PKD1L1: variants seen among roughly 807,000 people sequenced by gnomAD.
PKD1L1 encodes the protein polycystin-1-like protein 1.
Under a neutral mutation model 323.4 loss-of-function variants are expected in PKD1L1, and 236 were observed. The observed-to-expected ratio is 0.73, with a 90% CI of 0.66 to 0.81. The LOEUF (loss-of-function observed/expected upper bound fraction) is 0.81. PKD1L1 is among the 40% of genes least tolerant of loss of function. The probability of loss-of-function intolerance (pLI) is 0.00; values close to 1 mark genes in which losing one functional copy is unlikely to be tolerated. For missense variants in PKD1L1, 3,320 were observed against 3,508.0 expected, an observed-to-expected ratio of 0.95 and a Z score of 1.35; for synonymous variants, 1,344 against 1,335.0, an observed-to-expected ratio of 1.01 and a Z score of -0.15.
At position 47,821,287 on chromosome 7, in the gene PKD1L1, G is replaced by C; in HGVS notation, c.6855-101C>G. 4.6e-6 allele frequency: 3 copies of C among 652,464 alleles called. No individual in the cohort carries two copies. In the Admixed American group the frequency reaches 8.6e-5, roughly 19 times the overall value. 40.4% of individuals were successfully genotyped at this position (652,464 alleles called of 1,614,324 possible). Reference sequence around the variant, plus strand: ...ATTTATTATTATTATTATTATTTTTGAGACGGAGTCTCACTCTGTCACCCA... The same window carrying C: ...ATTTATTATTATTATTATTATTTTTCAGACGGAGTCTCACTCTGTCACCCA... On this transcript the variant is annotated intron_variant, in intron 45 of 56. Transcript: ENST00000289672.
At chr7:47,935,655 T>C (rs747559659) in intron 4 of PKD1L1, among the ~76,000 whole-genome samples, 3 of 152,248 alleles carry the variant, frequency 2.0e-5, no homozygotes, top group Non-Finnish European at 2.9e-5. Flanking sequence ...GGCTGAATCA[T>C]GTGCGTCCAT....
Position 47,904,403 on chromosome 7 carries a change from T to C in PKD1L1, c.1906A>G (p.Ser636Gly), listed in dbSNP as rs759503743. The change falls in exon 12 of 57, where the codon AGC (serine) becomes GGC (glycine). Residue 636 changes from serine (S) to glycine (G), a missense_variant. Transcript: ENST00000289672. ...FGDGTVSLGS[S>G]SSSHVYSREG... ...CTACTGTAGACATGGCTGCTGGAGCTGCTCCCCAGGCTGACGGTGCCATCC... is the reference window on the plus strand; with the variant it reads ...CTACTGTAGACATGGCTGCTGGAGCCGCTCCCCAGGCTGACGGTGCCATCC... The C allele has an allele frequency of 6.2e-7, 1 of 1,614,132 alleles. No individual in the cohort carries two copies. The highest frequency in any genetic ancestry group is 1.1e-5 in the South Asian group (1 of 91,092).
At chr7:47,872,679 G>A (rs1786307617) in intron 24 of PKD1L1, among the ~76,000 whole-genome samples, 1 of 152,148 alleles carries the variant, frequency 6.6e-6, no homozygotes, top group South Asian at 2.1e-4. Flanking sequence ...TGAACAAAAA[G>A]ACAATAACCA....
Position 47,831,249 on chromosome 7 carries a change from G to T in PKD1L1, c.6441C>A (p.Ala2147=), listed in dbSNP as rs774519944. The part of the protein sequence containing the change: ...VWAICGTASL[A]CSLGTGFLAY... ...CTAGAAATCCTGTCCCCAAACTGCA[G>T]GCCAAAGAAGCGGTCCCACAAATGG... The change falls in exon 42 of 57, where the codon GCC becomes GCA. Residue 2147 remains alanine (A), a synonymous_variant. Coordinates refer to ENST00000289672, the MANE Select transcript of PKD1L1 (RefSeq NM_138295.5). 12 of 1,614,130 alleles carry T rather than the reference G, an allele frequency of 7.4e-6. No homozygotes were observed. The East Asian group carries it at 2.7e-4, about 36-fold the overall frequency.
chr7:47,882,904 G>C (rs1786595402), intron 19 of PKD1L1, among the ~76,000 whole-genome samples: 1 of 152,144 alleles, frequency 6.6e-6, no homozygotes, highest in Non-Finnish European at 1.5e-5. Context: ...GAAGCAGCGA[G>C]GGCAAAGGAA....
At chr7:47,925,733 C>T (rs1286545070) in intron 7 of PKD1L1, among the ~76,000 whole-genome samples, 1 of 152,012 alleles carries the variant, frequency 6.6e-6, no homozygotes, top group Non-Finnish European at 1.5e-5. Flanking sequence ...AATAAGATAC[C>T]AACATGACAG....
At position 47,858,679 on chromosome 7, in the gene PKD1L1, TA is replaced by T; in HGVS notation, c.4355del (p.Leu1452TyrfsTer8). The T allele has an allele frequency of 6.2e-7, 1 of 1,610,998 alleles. No homozygotes were observed. The highest frequency in any genetic ancestry group is 2.2e-5 in the East Asian group (1 of 44,866). ...GAGAAAAAGTGTGACTTACCAACAA[TA>T]AATCTGAGATGACTGTAATTCCTTC... is the stretch of plus-strand genomic sequence containing the variant. ...HEEGITVISD[L>X]LLGCLSLNHV... On this transcript the variant is annotated frameshift_variant, in exon 27 of 57. Transcript: ENST00000289672. LOFTEE classifies it high-confidence loss of function.
rs150201470 is a variant in PKD1L1, at chr7:47,874,977, G to C, written c.3785-967C>G. On this transcript the variant is annotated intron_variant, in intron 23 of 56. Transcript: ENST00000289672. Reference sequence around the variant, plus strand: ...ACATCACTAACCCTGACACTGCTCTGGGACTGTGACCTGAAATTTGGTCTG... The same window carrying C: ...ACATCACTAACCCTGACACTGCTCTCGGACTGTGACCTGAAATTTGGTCTG... Among the ~76,000 whole-genome samples the C allele has an allele frequency of 4.8e-3, 729 of 152,272 alleles. 6 individuals carry two copies. Among genetic ancestry groups the C allele is most frequent in the African/African-American group, 0.017 (703 of 41,540 alleles).
In PKD1L1 at chr7:47,813,856, G is replaced by C. The variant is rs750395181; in HGVS notation, c.7173+75C>G. 2.9e-4 allele frequency: 359 copies of C among 1,247,490 alleles called. 1 individual carries two copies. The highest frequency in any genetic ancestry group is 5.0e-4 in the South Asian group (41 of 81,694). The allele number at this position is 1,247,490 out of a possible 1,614,324, so 77.3% of individuals were successfully genotyped here. On this transcript the variant is annotated intron_variant, in intron 48 of 56. Coordinates refer to ENST00000289672, the MANE Select transcript of PKD1L1 (RefSeq NM_138295.5). ...CAGAGAAGTTCAAATGATCTGCCAGGGTCCTGCCCCAATGTTGCCTAGACT... is the reference window on the plus strand; with the variant it reads ...CAGAGAAGTTCAAATGATCTGCCAGCGTCCTGCCCCAATGTTGCCTAGACT...
chr7:47,896,329 CAAAAAAA>C lies in PKD1L1; in HGVS notation c.2271+1652_2271+1658del, dbSNP rs34061319. Among the ~76,000 whole-genome samples, 9 of 46,876 alleles carry C rather than the reference CAAAAAAA, an allele frequency of 1.9e-4. No individual in the cohort carries two copies. The East Asian group carries it at 5.4e-3, about 28-fold the overall frequency. The allele number at this position is 46,876 out of a possible 152,430, so 30.8% of individuals were successfully genotyped here. A position where few individuals can be genotyped will look rare whatever the true frequency, so the allele number is the denominator to read the frequency against. On this transcript the variant is annotated intron_variant, in intron 14 of 56. Coordinates refer to ENST00000289672, the MANE Select transcript of PKD1L1 (RefSeq NM_138295.5). ...TGGGCAACAGAGTGAGACCCTGTCT[CAAAAAAA>C]AAAAAAAAAAAAAAAAAAGGAGTCC... is the stretch of plus-strand genomic sequence containing the variant.
At chr7:47,926,746 G>A (rs962526839) in intron 7 of PKD1L1, among the ~76,000 whole-genome samples, 5 of 152,204 alleles carry the variant, frequency 3.3e-5, no homozygotes, top group African/African-American at 1.2e-4. Flanking sequence ...TGAGGGCAGA[G>A]AGGAAACCAG....
At position 47,834,961 on chromosome 7, in the gene PKD1L1, A is replaced by G. The variant is rs1344904526; in HGVS notation, c.6127+6T>C. On this transcript the variant is annotated splice_donor_region_variant and intron_variant, in intron 39 of 56. Coordinates refer to ENST00000289672, the MANE Select transcript of PKD1L1 (RefSeq NM_138295.5). ...AGAGTTTCTGAGAGTTTTAATGTAC[A>G]TTTACCATGGGGTGCCTCGGTCTGT... 8 of 1,612,818 alleles carry G rather than the reference A, an allele frequency of 5.0e-6. No individual in the cohort carries two copies. The highest frequency in any genetic ancestry group is 5.9e-6 in the Non-Finnish European group (7 of 1,179,118).
rs1562966166 is a variant in PKD1L1 at position 47,870,227 on chromosome 7, G to A, written c.3897-3613C>T. The stretch of plus-strand genomic sequence containing the variant: ...GTAAACCAGAGCAAGTACAAGGCGG[G>A]GAAAAAAAGAATAAAAATTAGTGTA... On this transcript the variant is annotated intron_variant, in intron 24 of 56. Transcript: ENST00000289672. Among the ~76,000 whole-genome samples the A allele has an allele frequency of 2.6e-5, 4 of 151,182 alleles. No homozygotes were observed. In the South Asian group the frequency reaches 8.3e-4, roughly 31 times the overall value.
At chr7:47,832,445 G>T (rs1397012246) in intron 41 of PKD1L1, among the ~76,000 whole-genome samples, 1 of 152,174 alleles carries the variant, frequency 6.6e-6, no homozygotes, top group Non-Finnish European at 1.5e-5. Flanking sequence ...TGTGTGTAAG[G>T]TGCTGTGCAG....
upstream of PKD1L1, among the ~76,000 whole-genome samples, chr7:47,952,088 C>CT (rs1217063077): frequency 6.6e-6 from 1 of 152,214 alleles, no homozygotes; most frequent in Non-Finnish European, 1.5e-5. Context: ...TATTCTACAT[C>CT]TTTTTTTAAT....
At chr7:47,835,659 G>T (rs181553163) in intron 37 of PKD1L1, among the ~76,000 whole-genome samples, 13 of 151,918 alleles carry the variant, frequency 8.6e-5, no homozygotes, top group Non-Finnish European at 1.6e-4. Context: ...CCTCAGCCCC[G>T]CAAAGTGCTG....
intron 32 of PKD1L1, 21 bp downstream of exon 32, chr7:47,846,858 C>T (rs749771702): frequency 1.3e-6 from 2 of 1,582,604 alleles, no homozygotes. Flanking sequence ...ATCTCAGATT[C>T]TTTCTCAAAT....
At chr7:47,924,063 T>C (rs1422561650) in intron 7 of PKD1L1, among the ~76,000 whole-genome samples, 1 of 152,072 alleles carries the variant, frequency 6.6e-6, no homozygotes, top group Admixed American at 6.6e-5. Context: ...GCCTGATGGG[T>C]TCTTCTTTCC....
At position 47,808,354 on chromosome 7, in the gene PKD1L1, C is replaced by A; in HGVS notation, c.7720G>T (p.Ala2574Ser). The change falls in exon 52 of 57, where the codon GCA becomes TCA. Residue 2574 changes from alanine (A) to serine (S), a missense_variant. Transcript: ENST00000289672. Reference protein sequence around the residue: ...SVVGVSLTYYAVSGHLVTLAG... With the variant: ...SVVGVSLTYYSVSGHLVTLAG... ...AGAGTAACAAGGTGGCCGGAAACTG[C>A]ATAGTAGGTGAGGCTCACTCCAACC... 2 of 1,614,118 alleles carry A rather than the reference C, an allele frequency of 1.2e-6. No individual in the cohort carries two copies. The highest frequency in any genetic ancestry group is 2.7e-5 in the African/African-American group (2 of 75,030).
Sources: gnomAD v4.1 joint callset for allele counts (sites outside exome capture counted in the v4.1 genomes callset) on GRCh38, gnomAD v4.1.1 for gene constraint, MANE v1.5 for transcripts, NCBI Gene and HGNC (gene_info 2026-07-23, HGNC 2026-07-21) for gene names.